The following PTS variants were observed in gnomAD, a reference collection of about 807,000 sequenced individuals.
The protein encoded by PTS is 6-pyruvoyltetrahydropterin synthase.
In PTS, 23 loss-of-function variants were observed where a neutral mutation model predicts 20.6. The ratio of observed to expected loss-of-function variants is 1.12; its 90% CI spans 0.80 to 1.58. The LOEUF (loss-of-function observed/expected upper bound fraction) is 1.58, where lower values mean the gene tolerates loss of function less well. Among genes scored for constraint, PTS ranks in the 40% most tolerant of loss-of-function variants. The pLI is 0.00. For missense variants in PTS, 186 were observed against 182.4 expected (o/e 1.02, Z -0.11); for synonymous variants, 65 against 62.5 (o/e 1.04, Z -0.19).
chr11:112,227,745 G>A (rs1859883975), intron 1 of PTS, among the ~76,000 whole-genome samples: 1 of 151,968 alleles, frequency 6.6e-6, no homozygotes, highest in Admixed American at 6.6e-5. Flanking sequence ...AGGGCACCAA[G>A]CCATTCATAA....
At chr11:112,230,010 G>A (rs1464724268) in intron 2 of PTS, 198 bp from the exon 3 acceptor site, 4 of 624,486 alleles carry the variant, frequency 6.4e-6, no homozygotes, top group Non-Finnish European at 1.1e-5. Flanking sequence ...TGTCTCGATT[G>A]TGTCTTGCTT....
At chr11:112,229,651 C>G (rs898827455) in intron 2 of PTS, 1 of 158,140 alleles carries the variant, frequency 6.3e-6, no homozygotes, top group Non-Finnish European at 1.4e-5. Context: ...CTCGGCCTCC[C>G]GAAGTGCTGG....
intron 3 of PTS, 128 bp downstream of exon 3, chr11:112,230,358 T>C (rs1043927426): frequency 1.7e-6 from 2 of 1,168,674 alleles, no homozygotes; most frequent in Non-Finnish European, 2.6e-6. Flanking sequence ...TATATGTGTG[T>C]GTGGTGAGCT....
rs986290365 is a variant in PTS at position 112,226,477 on chromosome 11, G to A, written c.34G>A (p.Ala12Thr). 25 of 1,582,508 alleles carry A rather than the reference G, an allele frequency of 1.6e-5. No individual in the cohort carries two copies. Among genetic ancestry groups the A allele is most frequent in the African/African-American group, 2.7e-5 (2 of 74,730 alleles). ...STEGGGRRCQ[A>T]QVSRRISFSA... ...GGAAGGTGGTGGCCGTCGCTGCCAG[G>A]CACAAGTGTCCCGCCGCATCTCCTT... is the stretch of plus-strand genomic sequence containing the variant. Residue 12 changes from alanine to threonine, a missense_variant, in exon 1 of 6, where the codon GCA becomes ACA. By Grantham distance (58) the Ala-to-Thr change is moderately conservative. Transcript: ENST00000280362.
At chr11:112,227,974 T>A (rs1276265447) in intron 1 of PTS, among the ~76,000 whole-genome samples, 1 of 152,228 alleles carries the variant, frequency 6.6e-6, no homozygotes, top group Non-Finnish European at 1.5e-5. Context: ...GGTATAAGTA[T>A]AAACATTAAG....
chr11:112,232,501 A>T (rs1444468710), intron 4 of PTS, among the ~76,000 whole-genome samples: 1 of 151,362 alleles, frequency 6.6e-6, no homozygotes, highest in Non-Finnish European at 1.5e-5. Flanking sequence ...GGAAAATTAC[A>T]TTTTTTTTTC....
chr11:112,227,011 T>C (rs947182371), intron 1 of PTS, among the ~76,000 whole-genome samples: 11 of 150,518 alleles, frequency 7.3e-5, no homozygotes, highest in Non-Finnish European at 1.6e-4. Context: ...TAGCCCCTTT[T>C]TTACCAAAGA....
At chr11:112,230,413 A>G in intron 3 of PTS, 183 bp downstream of exon 3, 2 of 844,718 alleles carry the variant, frequency 2.4e-6, no homozygotes, top group East Asian at 2.5e-5. Flanking sequence ...TGTCTTTAAT[A>G]TGCTGTATGT....
At position 112,230,616 on chromosome 11, in the gene PTS, T is replaced by A. The variant is rs1172920663; in HGVS notation, c.187-10T>A. The A allele has an allele frequency of 1.2e-6, 2 of 1,602,854 alleles. No homozygotes were observed. Among genetic ancestry groups the A allele is most frequent in the South Asian group, 2.2e-5 (2 of 90,844 alleles). On this transcript the variant is annotated splice_polypyrimidine_tract_variant and intron_variant, in intron 3 of 5. Coordinates refer to ENST00000280362, the MANE Select transcript of PTS (RefSeq NM_000317.3). ...TATCACAGTAATATTCACCTTTGTT[T>A]ATTCTTTAGATTGACCCTGCTACGG...
intron 1 of PTS, among the ~76,000 whole-genome samples, chr11:112,227,849 T>C (rs917386499): frequency 3.3e-5 from 4 of 122,180 alleles, no homozygotes; most frequent in African/African-American, 1.1e-4. Flanking sequence ...GGGACAAACA[T>C]CCAAACTACA....
At chr11:112,230,759 C>T in intron 4 of PTS, 77 bp downstream of exon 4, 1 of 1,207,084 alleles carries the variant, frequency 8.3e-7, no homozygotes. Flanking sequence ...ACCTCCCCAA[C>T]CAGTTATCTC....
intron 2 of PTS, 92 bp downstream of exon 2, chr11:112,228,765 C>T: frequency 8.7e-7 from 1 of 1,144,674 alleles, no homozygotes. Context: ...AACTTACGGA[C>T]ACAGTGTGAA....
intron 1 of PTS, 191 bp from the exon 2 acceptor site, chr11:112,228,403 A>C (rs1859891662): frequency 1.6e-6 from 1 of 607,714 alleles, no homozygotes; most frequent in Non-Finnish European, 2.9e-6. Context: ...TAATTAGGGA[A>C]TATGCCATGG....
chr11:112,232,242 AAAAAC>A (rs1390065757), intron 4 of PTS, among the ~76,000 whole-genome samples: 1 of 152,182 alleles, frequency 6.6e-6, no homozygotes, highest in Non-Finnish European at 1.5e-5. Flanking sequence ...CCCTGTCTCT[AAAAAC>A]AAAACAAAAG....
At chr11:112,230,273 G>C in intron 3 of PTS, 43 bp downstream of exon 3, 2 of 1,596,026 alleles carry the variant, frequency 1.3e-6, no homozygotes, top group Non-Finnish European at 1.7e-6. Context: ...AGATTGCTGG[G>C]CTCTCTTTCA....
At chr11:112,226,689 G>T (rs1369531756) in intron 1 of PTS, among the ~76,000 whole-genome samples, 163 bp downstream of exon 1, 1 of 151,984 alleles carries the variant, frequency 6.6e-6, no homozygotes, top group African/African-American at 2.4e-5. Flanking sequence ...ACGGCCTCCA[G>T]CATCCTGATG....
chr11:112,226,441 A>G lies in PTS; in HGVS notation c.-3A>G. On this transcript the variant is annotated 5_prime_UTR_variant, in exon 1 of 6. Coordinates refer to ENST00000280362, the MANE Select transcript of PTS (RefSeq NM_000317.3). ...GCCGAGCACCGCAGACAGCGCCGGG[A>G]AGATGAGCACGGAAGGTGGTGGCCG... The G allele has an allele frequency of 6.3e-7, 1 of 1,578,038 alleles. No individual in the cohort carries two copies. Among genetic ancestry groups the G allele is most frequent in the South Asian group, 1.2e-5 (1 of 86,016 alleles).
intron 1 of PTS, 52 bp from the exon 2 acceptor site, chr11:112,228,542 G>T (rs1859892865): frequency 6.9e-7 from 1 of 1,447,102 alleles, no homozygotes; most frequent in Admixed American, 1.7e-5. Flanking sequence ...AGAGAAGGGG[G>T]TTTGAATGTG....
chr11:112,233,131 T>A (rs747307575), intron 4 of PTS, 32 bp from the exon 5 acceptor site: 2 of 1,584,476 alleles, frequency 1.3e-6, no homozygotes, highest in Admixed American at 3.3e-5. Flanking sequence ...GTAAATGGAG[T>A]CAATGATATT....
Sources: allele counts gnomAD v4.1 joint callset (sites outside exome capture counted in the v4.1 genomes callset), GRCh38; gene constraint gnomAD v4.1.1; transcripts MANE v1.5; gene names NCBI Gene and HGNC (gene_info 2026-07-23, HGNC 2026-07-21).